GAB1: variants seen among roughly 807,000 people sequenced by gnomAD.
GAB1 encodes the protein GRB2 associated binding protein 1, also known as GRB2-associated-binding protein 1.
GAB1 carries 19 observed loss-of-function variants against 66.5 expected under a neutral mutation model. That is an observed-to-expected ratio of 0.29 (90% confidence interval 0.20 to 0.42). The LOEUF is 0.42. Ranked by LOEUF, GAB1 falls within the 10% of genes least tolerant of loss-of-function variation. The pLI, the probability that GAB1 is intolerant of heterozygous loss-of-function variation, is 1.00. For synonymous variants in GAB1, 294 were observed against 301.4 expected, an observed-to-expected ratio of 0.98 and a Z score of 0.25; for missense variants, 732 against 858.5, an observed-to-expected ratio of 0.85 and a Z score of 1.84.
rs192012763 is a variant in GAB1, at chr4:143,467,857, G to A, written c.1927-1174G>A. On this transcript the variant is annotated intron_variant, in intron 9 of 9. Coordinates refer to ENST00000262994, the MANE Select transcript of GAB1 (RefSeq NM_002039.4). ...ACATTCATCCTAAAGCCAACACCAC[G>A]TTTACCATTTAGAAGCTCACCACTC... 1.1e-4 allele frequency among the ~76,000 whole-genome samples: 17 copies of A among 152,192 alleles called. No homozygotes were observed. The East Asian group carries it at 3.3e-3, about 29-fold the overall frequency.
chr4:143,428,912 G>GA (rs1163993134), intron 2 of GAB1, among the ~76,000 whole-genome samples: 1 of 55,752 alleles, frequency 1.8e-5, no homozygotes, highest in African/African-American at 1.5e-4. Flanking sequence ...ATGAGTTAAT[G>GA]GTGCAGCACA....
chr4:143,412,595 A>G (rs1732453419), intron 1 of GAB1, among the ~76,000 whole-genome samples: 1 of 152,208 alleles, frequency 6.6e-6, no homozygotes, highest in Non-Finnish European at 1.5e-5. Context: ...TTGAATTGCA[A>G]AATTACACAA....
At chr4:143,457,705 C>G (rs752691790) in intron 6 of GAB1, 2 of 1,539,824 alleles carry the variant, frequency 1.3e-6, no homozygotes, top group South Asian at 2.5e-5. Flanking sequence ...TTTTAAGACT[C>G]AAACCCCATG....
intron 6 of GAB1, among the ~76,000 whole-genome samples, chr4:143,457,085 C>G (rs1484362591): frequency 6.6e-6 from 1 of 152,166 alleles, no homozygotes; most frequent in African/African-American, 2.4e-5. Context: ...GAAAGAAATG[C>G]TGGTCTTGTT....
At chr4:143,446,186 T>G (rs554881855) in intron 6 of GAB1, among the ~76,000 whole-genome samples, 4 of 152,242 alleles carry the variant, frequency 2.6e-5, no homozygotes, top group Non-Finnish European at 5.9e-5. Context: ...CTTAATCCAG[T>G]CTATCATTGT....
intron 6 of GAB1, among the ~76,000 whole-genome samples, chr4:143,451,082 C>T (rs1418282130): frequency 3.3e-5 from 5 of 152,066 alleles, no homozygotes; most frequent in Non-Finnish European, 7.4e-5. Context: ...AGAAGCTCAC[C>T]GTCTAGGAGG....
In GAB1 at chr4:143,438,556, G is replaced by T. The variant is rs55997904; in HGVS notation, c.1151G>T (p.Arg384Leu). ...CIPTAGMSPSRSNTISTVDLN... is the reference protein window; with the variant it reads ...CIPTAGMSPSLSNTISTVDLN... Reference sequence around the variant, plus strand: ...CCTACAGCAGGGATGTCGCCTTCACGTAGTAATACCATTTCCACTGTGGAT... The same window carrying T: ...CCTACAGCAGGGATGTCGCCTTCACTTAGTAATACCATTTCCACTGTGGAT... The change falls in exon 4 of 10, where the codon CGT becomes CTT. Residue 384 changes from arginine to leucine, a missense_variant. By Grantham distance (102) the Arg-to-Leu change is moderately radical. This residue lies in a region of GAB1 where 427 missense variants were observed against 420.6 expected (regional missense o/e 1.02). Transcript: ENST00000262994. 3.1e-6 allele frequency: 5 copies of T among 1,613,876 alleles called. No homozygotes were observed. Among genetic ancestry groups the T allele is most frequent in the Non-Finnish European group, 3.4e-6 (4 of 1,179,952 alleles).
At chr4:143,445,054 C>G (rs531691277) in intron 6 of GAB1, among the ~76,000 whole-genome samples, 1 of 152,092 alleles carries the variant, frequency 6.6e-6, no homozygotes, top group Non-Finnish European at 1.5e-5. Context: ...AGTGAACATG[C>G]GAGTTCGTGT....
chr4:143,367,261 C>T (rs1729920806), intron 1 of GAB1, among the ~76,000 whole-genome samples: 1 of 126,730 alleles, frequency 7.9e-6, no homozygotes, highest in Non-Finnish European at 1.8e-5. Flanking sequence ...ATCCTTGATA[C>T]AGTGATCTAA....
chr4:143,463,253 A>G (rs1361108312), intron 8 of GAB1, among the ~76,000 whole-genome samples: 1 of 152,202 alleles, frequency 6.6e-6, no homozygotes, highest in Non-Finnish European at 1.5e-5. Context: ...AACCATAACT[A>G]AAGGCATACA....
intron 1 of GAB1, among the ~76,000 whole-genome samples, chr4:143,352,410 C>T (rs1560714169): frequency 2.0e-5 from 3 of 152,116 alleles, no homozygotes; most frequent in African/African-American, 7.2e-5. Flanking sequence ...AGAAGGAAGG[C>T]AAATAGAAGG....
chr4:143,392,717 A>G (rs1386097849), intron 1 of GAB1, among the ~76,000 whole-genome samples: 1 of 152,208 alleles, frequency 6.6e-6, no homozygotes, highest in Non-Finnish European at 1.5e-5. Context: ...TGATAATGCA[A>G]CAACGAATTT....
At chr4:143,355,949 T>A (rs1394285104) in intron 1 of GAB1, among the ~76,000 whole-genome samples, 1 of 152,024 alleles carries the variant, frequency 6.6e-6, no homozygotes, top group Non-Finnish European at 1.5e-5. Flanking sequence ...GGTGTTGAGA[T>A]TTTTTTTGGG....
At chr4:143,395,300 A>AT (rs1731387090) in intron 1 of GAB1, 2 of 152,416 alleles carry the variant, frequency 1.3e-5, no homozygotes, top group African/African-American at 4.8e-5. Context: ...CGGCTAGAAC[A>AT]GTGGAACATG....
intron 1 of GAB1, among the ~76,000 whole-genome samples, chr4:143,402,676 TCCTGTTCACCTTTC>T (rs1460087958): frequency 1.3e-5 from 2 of 152,204 alleles, no homozygotes; most frequent in African/African-American, 2.4e-5. Context: ...TCTTTTCCTT[TCCTGTTCACCTTTC>T]CCTGTTCTAC....
At chr4:143,365,843 A>T (rs1430683084) in intron 1 of GAB1, among the ~76,000 whole-genome samples, 1 of 152,212 alleles carries the variant, frequency 6.6e-6, no homozygotes, top group Non-Finnish European at 1.5e-5. Flanking sequence ...CTTTTCCGTT[A>T]GTTGGGGACT....
chr4:143,440,332 C>T lies in GAB1; in HGVS notation c.1535C>T (p.Ala512Val). The T allele has an allele frequency of 1.2e-6, 2 of 1,614,062 alleles. No individual in the cohort carries two copies. Among genetic ancestry groups the T allele is most frequent in the Non-Finnish European group, 8.5e-7 (1 of 1,179,970 alleles). The change falls in exon 6 of 10, where the codon GCA becomes GTA. Residue 512 changes from alanine to valine, a missense_variant. Coordinates refer to ENST00000262994, the MANE Select transcript of GAB1 (RefSeq NM_002039.4). ...KTPPRRPVPVADCEPPPVDRN... is the reference protein window; with the variant it reads ...KTPPRRPVPVVDCEPPPVDRN... ...CCTCCCAGAAGGCCAGTTCCTGTTG[C>T]AGACTGTGAACCACCCCCCGTGGAT...
intron 1 of GAB1, among the ~76,000 whole-genome samples, chr4:143,365,456 A>G (rs951824149): frequency 6.6e-6 from 1 of 152,194 alleles, no homozygotes; most frequent in Non-Finnish European, 1.5e-5. Flanking sequence ...CTTGACATAT[A>G]GAAGACACCA....
chr4:143,338,867 T>C (rs28408110), intron 1 of GAB1, among the ~76,000 whole-genome samples: 14,681 of 152,092 alleles, frequency 0.097, 789 homozygotes, highest in African/African-American at 0.14. Flanking sequence ...ATAATATAGG[T>C]TTAATTCATT....
Sources: gnomAD v4.1 joint callset for allele counts (sites outside exome capture counted in the v4.1 genomes callset) on GRCh38, gnomAD v4.1.1 for gene constraint, gnomAD v4.1.1 regional missense constraint, MANE v1.5 for transcripts, NCBI Gene and HGNC (gene_info 2026-07-23, HGNC 2026-07-21) for gene names.